Variants in GNA11 observed in about 807,000 individuals in gnomAD.
GNA11 encodes the protein guanine nucleotide-binding protein subunit alpha-11.
GNA11 carries 8 observed loss-of-function variants against 38.2 expected under a neutral mutation model. The observed-to-expected ratio is 0.21, with a 90% CI of 0.12 to 0.38. The LOEUF is 0.38. Ranked by LOEUF, GNA11 falls within the 10% of genes least tolerant of loss-of-function variation. The probability of loss-of-function intolerance (pLI) is 1.00; values close to 1 mark genes in which losing one functional copy is unlikely to be tolerated. For synonymous variants in GNA11, 211 were observed against 221.4 expected (o/e 0.95, Z 0.42); for missense variants, 268 against 516.3 (o/e 0.52, Z 4.66).
rs544625438 is a variant in GNA11, at chr19:3,123,864, G to A, written c.*2685G>A. On this transcript the variant is annotated 3_prime_UTR_variant, in exon 7 of 7. Transcript: ENST00000078429. ...GTGCGCGTTGGGGATGGGAGGAGGG[G>A]CTGAGGAGCGGCTCAGTGTCACCTC... 1.5e-3 allele frequency: 340 copies of A among 232,568 alleles called. 1 individual carries two copies. The highest frequency in any genetic ancestry group is 7.1e-3 in the African/African-American group (321 of 45,418). The allele number at this position is 232,568 out of a possible 1,614,324, so 14.4% of individuals were successfully genotyped here.
chr19:3,118,670 C>G, intron 4 of GNA11: 1 of 466,230 alleles, frequency 2.1e-6, no homozygotes, highest in Non-Finnish European at 3.9e-6. Flanking sequence ...CACCCCCACA[C>G]TAGCGCCCGC....
At chr19:3,096,045 C>A (rs918689619) in intron 1 of GNA11, among the ~76,000 whole-genome samples, 1 of 152,118 alleles carries the variant, frequency 6.6e-6, no homozygotes, top group Non-Finnish European at 1.5e-5. Context: ...TGGGGAAGGT[C>A]GGAAATGCGT....
rs975225827 is a variant in GNA11, at chr19:3,110,431, G to C, written c.321+98G>C. 3 of 965,776 alleles carry C rather than the reference G, an allele frequency of 3.1e-6. No homozygotes were observed. The highest frequency in any genetic ancestry group is 1.6e-6 in the Non-Finnish European group (1 of 638,422). 59.8% of individuals were successfully genotyped at this position (965,776 alleles called of 1,614,324 possible). ...CTGCCAGGGTGGGGCCATGCCGGGG[G>C]TCCCGGCCGGCCCAGGCTACCCCTG... On this transcript the variant is annotated intron_variant, in intron 2 of 6. Coordinates refer to ENST00000078429, the MANE Select transcript of GNA11 (RefSeq NM_002067.5). The surrounding 1 kb of genome is among the most constrained non-coding windows in gnomAD (Gnocchi z 5.4).
chr19:3,116,459 CATCCTT>C (rs1913925257), intron 4 of GNA11, among the ~76,000 whole-genome samples: 1 of 146,904 alleles, frequency 6.8e-6, no homozygotes, highest in Admixed American at 6.8e-5. Flanking sequence ...GCATCCTTGG[CATCCTT>C]GGCATCCTTG....
chr19:3,105,680 GGA>G (rs1487162350), intron 1 of GNA11, among the ~76,000 whole-genome samples: 2 of 152,142 alleles, frequency 1.3e-5, no homozygotes, highest in Non-Finnish European at 2.9e-5. Flanking sequence ...GCTATGGGTG[GGA>G]CCACTTGGTG....
Position 3,122,371 on chromosome 19 carries a change from G to C in GNA11, c.*1192G>C, listed in dbSNP as rs1248461274. ...GCACTCGCACTTTGGCCAGGGGCGCGTGGAAGGTGGTGGCAGGCACCGGCC... is the reference window on the plus strand; with the variant it reads ...GCACTCGCACTTTGGCCAGGGGCGCCTGGAAGGTGGTGGCAGGCACCGGCC... On this transcript the variant is annotated 3_prime_UTR_variant, in exon 7 of 7. Transcript: ENST00000078429. The surrounding 1 kb of genome is among the most constrained non-coding windows in gnomAD (Gnocchi z 7.7). 8.6e-6 allele frequency: 2 copies of C among 231,836 alleles called. No homozygotes were observed. Among genetic ancestry groups the C allele is most frequent in the Non-Finnish European group, 8.5e-6 (1 of 117,118 alleles). The allele number at this position is 231,836 out of a possible 1,614,324, so 14.4% of individuals were successfully genotyped here. A position where few individuals can be genotyped will look rare whatever the true frequency, so the allele number is the denominator to read the frequency against.
At chr19:3,113,681 C>T (rs1599304082) in intron 3 of GNA11, among the ~76,000 whole-genome samples, 197 bp downstream of exon 3, 2 of 152,200 alleles carry the variant, frequency 1.3e-5, no homozygotes, top group Non-Finnish European at 2.9e-5. Context: ...TGGCAGGAGC[C>T]GGTGGACTCT....
chr19:3,104,654 T>C (rs2238625), intron 1 of GNA11, among the ~76,000 whole-genome samples: 78,452 of 152,016 alleles, frequency 0.52, 21,645 homozygotes, highest in African/African-American at 0.71. Flanking sequence ...CAGGTTCATT[T>C]GGTTCGCTCA....
In GNA11 at chr19:3,122,834, G is replaced by C. The variant is rs896180982; in HGVS notation, c.*1655G>C. 2 of 233,628 alleles carry C rather than the reference G, an allele frequency of 8.6e-6. No individual in the cohort carries two copies. The highest frequency in any genetic ancestry group is 4.4e-5 in the African/African-American group (2 of 45,492). 14.5% of individuals were successfully genotyped at this position (233,628 alleles called of 1,614,324 possible). A position where few individuals can be genotyped will look rare whatever the true frequency, so the allele number is the denominator to read the frequency against. Reference sequence around the variant, plus strand: ...TCCTCGTCCGCAGGGCTGTCTGCTGGCTTCTGGGGGCAGAAGAGCGGGGAG... The same window carrying C: ...TCCTCGTCCGCAGGGCTGTCTGCTGCCTTCTGGGGGCAGAAGAGCGGGGAG... On this transcript the variant is annotated 3_prime_UTR_variant, in exon 7 of 7. Coordinates refer to ENST00000078429, the MANE Select transcript of GNA11 (RefSeq NM_002067.5). The surrounding 1 kb of genome is among the most constrained non-coding windows in gnomAD (Gnocchi z 7.7).
intron 1 of GNA11, among the ~76,000 whole-genome samples, chr19:3,106,280 G>A (rs1259832350): frequency 6.6e-6 from 1 of 152,222 alleles, no homozygotes. Context: ...GGTCCACTGT[G>A]TGTGGACCCC....
chr19:3,119,141 C>G lies in GNA11; in HGVS notation c.736-65C>G, dbSNP rs1409434738. 3 of 1,603,398 alleles carry G rather than the reference C, an allele frequency of 1.9e-6. No individual in the cohort carries two copies. The highest frequency in any genetic ancestry group is 3.3e-5 in the Admixed American group (2 of 59,794). On this transcript the variant is annotated intron_variant, in intron 5 of 6. Transcript: ENST00000078429. This position sits in a 1 kb window ranked among gnomAD's most constrained non-coding sequence, Gnocchi z 4.6. Reference sequence around the variant, plus strand: ...GGTCCCCTCACCTGGGTCCCCCCAGCTGCCCCTTGGGCTGTGTGCAGTGGG... The same window carrying G: ...GGTCCCCTCACCTGGGTCCCCCCAGGTGCCCCTTGGGCTGTGTGCAGTGGG...
intron 1 of GNA11, among the ~76,000 whole-genome samples, chr19:3,103,766 C>T (rs989480093): frequency 6.6e-6 from 1 of 151,276 alleles, no homozygotes; most frequent in African/African-American, 2.4e-5. Context: ...TGCAGTGGCA[C>T]GATCTCAGCT....
At position 3,121,060 on chromosome 19, in the gene GNA11, G is replaced by A. The variant is rs1427351200; in HGVS notation, c.961G>A (p.Asp321Asn). ...GTTCGTGGACCTGAACCCCGACAGC[G>A]ACAAGATCATCTACTCACACTTCAC... Reference protein sequence around the residue: ...KMFVDLNPDSDKIIYSHFTCA... With the variant: ...KMFVDLNPDSNKIIYSHFTCA... Residue 321 changes from aspartate to asparagine, a missense_variant, in exon 7 of 7, where the codon GAC becomes AAC. By Grantham distance (23) the Asp-to-Asn change is conservative. Coordinates refer to ENST00000078429, the MANE Select transcript of GNA11 (RefSeq NM_002067.5). 1 of 1,613,716 alleles carries A rather than the reference G, an allele frequency of 6.2e-7. No individual in the cohort carries two copies. Among genetic ancestry groups the A allele is most frequent in the African/African-American group, 1.3e-5 (1 of 75,028 alleles).
chr19:3,118,794 T>TG (rs1913988654), intron 4 of GNA11, 130 bp from the exon 5 acceptor site: 8 of 832,458 alleles, frequency 9.6e-6, no homozygotes, highest in Non-Finnish European at 1.6e-5. Context: ...GTTCTAAGAG[T>TG]GGGGGCTCTT....
rs1568281996 is a variant in GNA11 at position 3,110,372 on chromosome 19, A to T, written c.321+39A>T. On this transcript the variant is annotated intron_variant, in intron 2 of 6. Transcript: ENST00000078429. This position sits in a 1 kb window ranked among gnomAD's most constrained non-coding sequence, Gnocchi z 5.4. Reference sequence around the variant, plus strand: ...CGCCTGGGGAGGGGAGCGCCTGGGCAGCTGTGGGCTTGGTGGTGAGCATGG... The same window carrying T: ...CGCCTGGGGAGGGGAGCGCCTGGGCTGCTGTGGGCTTGGTGGTGAGCATGG... The T allele has an allele frequency of 6.5e-7, 1 of 1,546,720 alleles. No homozygotes were observed. Among genetic ancestry groups the T allele is most frequent in the Non-Finnish European group, 8.9e-7 (1 of 1,124,318 alleles).
Position 3,119,349 on chromosome 19 carries a change from C to G in GNA11, c.879C>G (p.Pro293=), listed in dbSNP as rs372711795. The G allele has an allele frequency of 6.2e-7, 1 of 1,613,378 alleles. No homozygotes were observed. The highest frequency in any genetic ancestry group is 8.5e-7 in the Non-Finnish European group (1 of 1,179,826). ...ILYSHLVDYF[P]EFDGPQRDAQ... ...ACTCGCACCTGGTGGACTACTTCCC[C>G]GAGTTCGATGGTGCGCCGGGCTGCG... Residue 293 remains proline (P), a synonymous_variant, in exon 6 of 7, where the codon CCC becomes CCG. Transcript: ENST00000078429. This position sits in a 1 kb window ranked among gnomAD's most constrained non-coding sequence, Gnocchi z 4.6.
rs547360351 is a variant in GNA11, at chr19:3,123,209, G to A, written c.*2030G>A. 1,004 of 233,326 alleles carry A rather than the reference G, an allele frequency of 4.3e-3. No individual in the cohort carries two copies. Among genetic ancestry groups the A allele is most frequent in the African/African-American group, 0.02 (923 of 45,428 alleles). The allele number at this position is 233,326 out of a possible 1,614,324, so 14.5% of individuals were successfully genotyped here. On this transcript the variant is annotated 3_prime_UTR_variant, in exon 7 of 7. Coordinates refer to ENST00000078429, the MANE Select transcript of GNA11 (RefSeq NM_002067.5). ...GTGACCTGGCCGTGGCCTGAGGGTG[G>A]AGTCGCCCAGCACGCAGGCCGGGGC...
At position 3,121,213 on chromosome 19, in the gene GNA11, G is replaced by C. The variant is rs368892324; in HGVS notation, c.*34G>C. 2 of 1,541,414 alleles carry C rather than the reference G, an allele frequency of 1.3e-6. No homozygotes were observed. Among genetic ancestry groups the C allele is most frequent in the African/African-American group, 1.4e-5 (1 of 73,264 alleles). Reference sequence around the variant, plus strand: ...GCCCAGGGAGACGGGATGGAGACACGGGGCAGGACCTTCCTTCCACGGAGC... The same window carrying C: ...GCCCAGGGAGACGGGATGGAGACACCGGGCAGGACCTTCCTTCCACGGAGC... On this transcript the variant is annotated 3_prime_UTR_variant, in exon 7 of 7. Coordinates refer to ENST00000078429, the MANE Select transcript of GNA11 (RefSeq NM_002067.5).
chr19:3,099,542 G>C (rs557410268), intron 1 of GNA11, among the ~76,000 whole-genome samples: 6 of 152,158 alleles, frequency 3.9e-5, no homozygotes, highest in African/African-American at 1.4e-4. Flanking sequence ...CATCCCGCCC[G>C]GGGGGCCTCC....
Sources: allele counts gnomAD v4.1 joint callset (sites outside exome capture counted in the v4.1 genomes callset), GRCh38; gene constraint gnomAD v4.1.1; non-coding constraint Gnocchi (gnomAD v3.1); transcripts MANE v1.5; gene names NCBI Gene and HGNC (gene_info 2026-07-23, HGNC 2026-07-21).